Variants in AGRN observed in about 807,000 individuals in gnomAD.
The protein encoded by AGRN is agrin proteoglycan.
A neutral mutation model predicts 211.0 loss-of-function variants in AGRN; 106 were observed. That is an observed-to-expected ratio of 0.50 (90% CI 0.43 to 0.59). The LOEUF (loss-of-function observed/expected upper bound fraction) is 0.59. AGRN is among the 20% of genes least tolerant of loss of function. AGRN has a pLI of 0.00. For synonymous variants in AGRN, 1,525 were observed against 1,332.5 expected (o/e 1.14, Z -3.15); for missense variants, 3,040 against 2,982.6 (o/e 1.02, Z -0.45).
In AGRN at chr1:1,055,016, T is replaced by C; in HGVS notation, c.*35T>C. The C allele has an allele frequency of 6.5e-7, 1 of 1,544,302 alleles. No individual in the cohort carries two copies. The highest frequency in any genetic ancestry group is 8.7e-7 in the Non-Finnish European group (1 of 1,146,576). On this transcript the variant is annotated 3_prime_UTR_variant, in exon 36 of 36. Transcript: ENST00000379370. ...AGAGCCCCGCGCCCGCTGTAATTAT[T>C]TTCTATTTTTGTAAACTTGTTGCTT...
chr1:1,042,120 C>G lies in AGRN; in HGVS notation c.1342C>G (p.Arg448Gly). 6.2e-7 allele frequency: 1 copy of G among 1,600,966 alleles called. No homozygotes were observed. The highest frequency in any genetic ancestry group is 8.5e-7 in the Non-Finnish European group (1 of 1,178,290). Reference protein sequence around the residue: ...SDCWRQQAECRQQRAIPSKHQ... With the variant: ...SDCWRQQAECGQQRAIPSKHQ... ...TTGCTGGCGGCAGCAGGCTGAGTGCCGGCAGCAGCGTGCCATCCCCAGCAA... is the reference window on the plus strand; with the variant it reads ...TTGCTGGCGGCAGCAGGCTGAGTGCGGGCAGCAGCGTGCCATCCCCAGCAA... The change falls in exon 7 of 36, where the codon CGG (arginine) becomes GGG (glycine). Residue 448 changes from arginine (R) to glycine (G), a missense_variant. By Grantham distance (125) the Arg-to-Gly change is moderately radical (BLOSUM62 -2). Transcript: ENST00000379370.
At chr1:1,051,061 T>A in intron 30 of AGRN, 192 bp from the exon 31 acceptor site, 1 of 1,548,560 alleles carries the variant, frequency 6.5e-7, no homozygotes, top group Non-Finnish European at 8.7e-7. Flanking sequence ...CGGCCTCTCA[T>A]CCGCTCACCG....
chr1:1,050,261 C>T lies in AGRN; in HGVS notation c.4908C>T (p.Phe1636=), dbSNP rs773269271. Residue 1636 remains phenylalanine (F), a synonymous_variant, in exon 28 of 36, where the codon TTC becomes TTT. Coordinates refer to ENST00000379370, the MANE Select transcript of AGRN (RefSeq NM_198576.4). ...TASGQDGSGP[F]LADFNGFSHL... is the part of the protein sequence containing the mutation. ...CGGGGCAGGACGGCTCTGGGCCCTT[C>T]CTGGCTGACTTCAACGGCTTCTCCC... 1.2e-6 allele frequency: 2 copies of T among 1,613,178 alleles called. No individual in the cohort carries two copies. Among genetic ancestry groups the T allele is most frequent in the Non-Finnish European group, 1.7e-6 (2 of 1,179,932 alleles).
Position 1,051,413 on chromosome 1 carries a change from G to A in AGRN, c.5371-40G>A, listed in dbSNP as rs746956613. On this transcript the variant is annotated intron_variant, in intron 31 of 35. Coordinates refer to ENST00000379370, the MANE Select transcript of AGRN (RefSeq NM_198576.4). ...TCCCAGCAGGGCCTCCGGGGCGGGC[G>A]GGGTGGCAGGCGGGACAAGGCCCTC... 7.8e-6 allele frequency: 12 copies of A among 1,542,090 alleles called. No homozygotes were observed. In the African/African-American group the frequency reaches 9.5e-5, roughly 12 times the overall value.
Position 1,048,322 on chromosome 1 carries a change from C to T in AGRN, c.4062C>T (p.Thr1354=), listed in dbSNP as rs2100669683. The T allele has an allele frequency of 1.4e-6, 2 of 1,480,658 alleles. No individual in the cohort carries two copies. Among genetic ancestry groups the T allele is most frequent in the Admixed American group, 2.4e-5 (1 of 41,600 alleles). 91.7% of individuals were successfully genotyped at this position (1,480,658 alleles called of 1,614,324 possible). A position where few individuals can be genotyped will look rare whatever the true frequency, so the allele number is the denominator to read the frequency against. The part of the protein sequence containing the change: ...CQDWALGGGF[T]CSCPAGRGGA... ...ACTGGGCATTGGGCGGGGGCTTCACCTGCAGCTGCCCGGCAGGCAGGGGAG... is the reference window on the plus strand; with the variant it reads ...ACTGGGCATTGGGCGGGGGCTTCACTTGCAGCTGCCCGGCAGGCAGGGGAG... The change falls in exon 23 of 36, where the codon ACC becomes ACT. Residue 1354 remains threonine, a synonymous_variant. Coordinates refer to ENST00000379370, the MANE Select transcript of AGRN (RefSeq NM_198576.4). This position sits in a 1 kb window ranked among gnomAD's most constrained non-coding sequence, Gnocchi z 5.9.
intron 33 of AGRN, chr1:1,052,077 G>T (rs920237235): frequency 6.8e-7 from 1 of 1,462,696 alleles, no homozygotes; most frequent in Non-Finnish European, 9.2e-7. Flanking sequence ...CTTCCTGGTG[G>T]GGAGCAGAGT....
chr1:1,045,460 C>A lies in AGRN; in HGVS notation c.2473C>A (p.Arg825Ser). ...RPGVGGLRCD[R>S]CEPGFWNFRG... ...AGGTGTGGGGGGCCTCAGGTGTGAC[C>A]GCTGTGAGCCTGGCTTCTGGAACTT... The change falls in exon 14 of 36, where the codon CGC (arginine) becomes AGC (serine). Residue 825 changes from arginine (R) to serine (S), a missense_variant. This residue lies in a region of AGRN where 1,498 missense variants were observed against 1,457.8 expected (regional missense o/e 1.03). Transcript: ENST00000379370. 1 of 1,612,830 alleles carries A rather than the reference C, an allele frequency of 6.2e-7. No homozygotes were observed. The highest frequency in any genetic ancestry group is 8.5e-7 in the Non-Finnish European group (1 of 1,179,936).
At position 1,040,764 on chromosome 1, in the gene AGRN, G is replaced by T; in HGVS notation, c.611G>T (p.Ser204Ile). Residue 204 changes from serine to isoleucine, a missense_variant, in exon 4 of 36, where the codon AGC becomes ATC. Physicochemically the swap from Ser to Ile is moderately radical, Grantham distance 142 (BLOSUM62 -2). This residue lies in a region of AGRN where 1,498 missense variants were observed against 1,457.8 expected (regional missense o/e 1.03). Transcript: ENST00000379370. ...SCVCKKSPCP[S>I]VVAPVCGSDA... ...GTCTGCAAGAAGAGCCCGTGCCCCAGCGTGGTGGCGCCTGTGTGTGGGTCG... is the reference window on the plus strand; with the variant it reads ...GTCTGCAAGAAGAGCCCGTGCCCCATCGTGGTGGCGCCTGTGTGTGGGTCG... 1 of 1,541,892 alleles carries T rather than the reference G, an allele frequency of 6.5e-7. No homozygotes were observed. The highest frequency in any genetic ancestry group is 2.4e-5 in the East Asian group (1 of 40,940).
Position 1,044,017 on chromosome 1 carries a change from G to C in AGRN, c.1993G>C (p.Glu665Gln). The change falls in exon 10 of 36, where the codon GAG (glutamate) becomes CAG (glutamine). Residue 665 changes from glutamate (E) to glutamine (Q), a missense_variant. Physicochemically the swap from Glu to Gln is conservative, Grantham distance 29 (BLOSUM62 2). This residue lies in a region of AGRN where 1,498 missense variants were observed against 1,457.8 expected (regional missense o/e 1.03). Coordinates refer to ENST00000379370, the MANE Select transcript of AGRN (RefSeq NM_198576.4). The stretch of plus-strand genomic sequence containing the variant: ...CGAGGAGGCCCGGGCAGGGCCGTGC[G>C]AGCAGGGTAGGCCGGGGGACGCTGG... Reference protein sequence around the residue: ...QIEEARAGPCEQAECGSGGSG... With the variant: ...QIEEARAGPCQQAECGSGGSG... 1 of 1,609,286 alleles carries C rather than the reference G, an allele frequency of 6.2e-7. No individual in the cohort carries two copies. Among genetic ancestry groups the C allele is most frequent in the South Asian group, 1.1e-5 (1 of 90,988 alleles).
chr1:1,039,877 AG>A (rs1557698660), intron 3 of AGRN, among the ~76,000 whole-genome samples: 3 of 151,718 alleles, frequency 2.0e-5, no homozygotes, highest in African/African-American at 4.8e-5. Flanking sequence ...AGGCTGCAGA[AG>A]GGCACAGGCC....
chr1:1,046,777 G>C (rs539567987), intron 18 of AGRN, 42 bp downstream of exon 18: 1 of 1,572,358 alleles, frequency 6.4e-7, no homozygotes, highest in Non-Finnish European at 8.6e-7. Flanking sequence ...GGCAGGCGCC[G>C]AGAGGCTCCA....
chr1:1,054,272 G>T (rs1268485189), intron 34 of AGRN, among the ~76,000 whole-genome samples, 176 bp from the exon 35 acceptor site: 1 of 152,224 alleles, frequency 6.6e-6, no homozygotes, highest in African/African-American at 2.4e-5. Context: ...CCCGGCCTTG[G>T]CTCCCAGTGC....
chr1:1,027,950 C>T (rs1243153032), intron 2 of AGRN, among the ~76,000 whole-genome samples: 7 of 152,190 alleles, frequency 4.6e-5, no homozygotes, highest in East Asian at 3.8e-4. Flanking sequence ...GCACAAACAC[C>T]GGCCCACGGC....
In AGRN at chr1:1,049,334, G is replaced by T. The variant is rs1436879072; in HGVS notation, c.4397G>T (p.Gly1466Val). Residue 1466 changes from glycine (G) to valine (V), a missense_variant, in exon 25 of 36, where the codon GGC becomes GTC. This residue lies in a region of AGRN where 1,537 missense variants were observed against 1,505.0 expected (regional missense o/e 1.02). Coordinates refer to ENST00000379370, the MANE Select transcript of AGRN (RefSeq NM_198576.4). ...GAGCTGTCCCGGCACTGGCGCCGGG[G>T]CACCCTCTCGGTGGATGGTGAGACC... ...RLELSRHWRR[G>V]TLSVDGETPV... 6.3e-7 allele frequency: 1 copy of T among 1,598,084 alleles called. No homozygotes were observed. The highest frequency in any genetic ancestry group is 1.7e-4 in the Middle Eastern group (1 of 6,060).
At chr1:1,051,684 G>A (rs770238024) in intron 32 of AGRN, 39 bp downstream of exon 32, 28 of 1,613,036 alleles carry the variant, frequency 1.7e-5, no homozygotes, top group Non-Finnish European at 2.1e-5. Flanking sequence ...GGCCGGATGG[G>A]CCCGGAGCCC....
intron 30 of AGRN, 58 bp from the exon 31 acceptor site, chr1:1,051,195 G>GC: frequency 6.5e-7 from 1 of 1,544,898 alleles, no homozygotes; most frequent in Non-Finnish European, 8.8e-7. Context: ...AGGTGCCTGG[G>GC]CCCTGGGTCT....
chr1:1,049,997 C>T lies in AGRN; in HGVS notation c.4839C>T (p.Cys1613=), dbSNP rs113020870. ...TGCTGCCCGAGGGTGGTGCTCAGTG[C>T]GAGTGCCCCCTGGGGCGTGAGGGCA... The part of the protein sequence containing the change: ...CRVLPEGGAQ[C]ECPLGREGTF... The change falls in exon 27 of 36, where the codon TGC becomes TGT. Residue 1613 remains cysteine, a synonymous_variant. Transcript: ENST00000379370. 6,390 of 1,513,062 alleles carry T rather than the reference C, an allele frequency of 4.2e-3. 21 individuals carry two copies. Among genetic ancestry groups the T allele is most frequent in the Non-Finnish European group, 5.1e-3 (5,740 of 1,121,546 alleles). 93.7% of individuals were successfully genotyped at this position (1,513,062 alleles called of 1,614,324 possible).
Position 1,021,826 on chromosome 1 carries a change from C to T in AGRN, c.202-375C>T, listed in dbSNP as rs1030992932. 3.3e-5 allele frequency among the ~76,000 whole-genome samples: 5 copies of T among 152,250 alleles called. 1 individual carries two copies. The highest frequency in any genetic ancestry group is 3.3e-4 in the Admixed American group (5 of 15,290). ...CCCCCTCCTCCACTGCCCAAGCTTG[C>T]TGGGAGGTGGGCCCTGAGCACTGGG... On this transcript the variant is annotated intron_variant, in intron 1 of 35. Coordinates refer to ENST00000379370, the MANE Select transcript of AGRN (RefSeq NM_198576.4).
chr1:1,044,283 G>A, intron 11 of AGRN, 26 bp downstream of exon 11: 1 of 1,612,444 alleles, frequency 6.2e-7, no homozygotes, highest in Non-Finnish European at 8.5e-7. Context: ...CTGGCTCTCG[G>A]CGGGCGGCGG....
Sources: gnomAD v4.1 joint callset for allele counts (sites outside exome capture counted in the v4.1 genomes callset) on GRCh38, gnomAD v4.1.1 for gene constraint, gnomAD v4.1.1 regional missense constraint, Gnocchi (gnomAD v3.1) non-coding constraint, MANE v1.5 for transcripts, NCBI Gene and HGNC (gene_info 2026-07-23, HGNC 2026-07-21) for gene names.